Variants in AIG1 observed in about 807,000 individuals in gnomAD.
AIG1 encodes the protein androgen induced 1.
In AIG1, 23 loss-of-function variants were observed where a neutral mutation model predicts 31.4. The observed-to-expected ratio is 0.73, with a 90% CI of 0.53 to 1.04. The LOEUF is 1.04. Ranked by LOEUF, AIG1 falls within the 50% of genes least tolerant of loss-of-function variation. The pLI is 0.00. For synonymous variants in AIG1, 100 were observed against 110.5 expected (o/e 0.90, Z 0.60); for missense variants, 274 against 295.0 (o/e 0.93, Z 0.52).
intron 2 of AIG1, among the ~76,000 whole-genome samples, chr6:143,138,473 A>T (rs1290239206): frequency 6.6e-6 from 1 of 152,172 alleles, no homozygotes; most frequent in Non-Finnish European, 1.5e-5. Context: ...TATCTAATAT[A>T]TGCATGTATA....
chr6:143,193,295 G>A (rs774496211), intron 3 of AIG1, among the ~76,000 whole-genome samples: 10 of 152,256 alleles, frequency 6.6e-5, no homozygotes, highest in Admixed American at 2.6e-4. Context: ...CCTTTAAGCC[G>A]TAGCCAGCCT....
chr6:143,247,557 C>A (rs747909402), intron 3 of AIG1, among the ~76,000 whole-genome samples: 1 of 152,220 alleles, frequency 6.6e-6, no homozygotes, highest in African/African-American at 2.4e-5. Context: ...AACAAAGACA[C>A]TTCTACCAGC....
intron 3 of AIG1, among the ~76,000 whole-genome samples, chr6:143,174,486 CAAAAA>C (rs71024844): frequency 1.7e-5 from 1 of 59,656 alleles, no homozygotes; most frequent in Non-Finnish European, 3.7e-5. Context: ...GACTCCGTCT[CAAAAA>C]AAAAAAAAAA....
chr6:143,172,307 G>T (rs1238445788), intron 3 of AIG1, among the ~76,000 whole-genome samples: 1 of 152,008 alleles, frequency 6.6e-6, no homozygotes, highest in African/African-American at 2.4e-5. Context: ...CTCTAGAATG[G>T]CTCCAATGAG....
intron 1 of AIG1, among the ~76,000 whole-genome samples, chr6:143,132,328 G>T (rs1783315020): frequency 6.6e-6 from 1 of 151,876 alleles, no homozygotes; most frequent in Non-Finnish European, 1.5e-5. Flanking sequence ...AATTCTCTCA[G>T]TTTCTGTTTA....
Position 143,303,018 on chromosome 6 carries a change from G to A in AIG1, c.515+18793G>A, listed in dbSNP as rs372883019. Among the ~76,000 whole-genome samples the A allele has an allele frequency of 4.6e-5, 7 of 152,278 alleles. No homozygotes were observed. In the South Asian group the frequency reaches 1.5e-3, roughly 32 times the overall value. Reference sequence around the variant, plus strand: ...TCATGTGTTTTTTGGCTGCATAAATGTCTTCTTTTGAGAAGTGTCTGTTCA... The same window carrying A: ...TCATGTGTTTTTTGGCTGCATAAATATCTTCTTTTGAGAAGTGTCTGTTCA... On this transcript the variant is annotated intron_variant, in intron 4 of 5. Coordinates refer to ENST00000357847, the MANE Select transcript of AIG1 (RefSeq NM_016108.4).
intron 1 of AIG1, among the ~76,000 whole-genome samples, chr6:143,084,525 A>C (rs561368083): frequency 6.6e-6 from 1 of 152,286 alleles, no homozygotes; most frequent in South Asian, 2.1e-4. Flanking sequence ...GATCTCTATT[A>C]TAAAAAACCG....
rs944366089 is a variant in AIG1, at chr6:143,279,445, A to C, written c.400-4665A>C. Among the ~76,000 whole-genome samples, 7 of 152,206 alleles carry C rather than the reference A, an allele frequency of 4.6e-5. No individual in the cohort carries two copies. Among genetic ancestry groups the C allele is most frequent in the African/African-American group, 1.7e-4 (7 of 41,450 alleles). On this transcript the variant is annotated intron_variant, in intron 3 of 5. Coordinates refer to ENST00000357847, the MANE Select transcript of AIG1 (RefSeq NM_016108.4). This position sits in a 1 kb window ranked among gnomAD's most constrained non-coding sequence, Gnocchi z 5.4. ...AGCCTCCTAATCTTTCCACTTCATT[A>C]CACTGCTGTCTTCCTTTGAGCCTCT... is the stretch of plus-strand genomic sequence containing the variant.
At position 143,162,983 on chromosome 6, in the gene AIG1, A is replaced by G. The variant is rs138691213; in HGVS notation, c.298-2099A>G. ...AGGAGGCTCAAGGTGGCTGAAGTAG[A>G]GCCTCCCCAAGCAGAACATCTCAAA... On this transcript the variant is annotated intron_variant, in intron 2 of 5. Transcript: ENST00000357847. 2.0e-5 allele frequency among the ~76,000 whole-genome samples: 3 copies of G among 152,290 alleles called. No individual in the cohort carries two copies. The East Asian group carries it at 5.8e-4, about 30-fold the overall frequency.
Position 143,208,787 on chromosome 6 carries a change from T to C in AIG1, c.399+43604T>C, listed in dbSNP as rs574353853. Among the ~76,000 whole-genome samples, 9 of 152,254 alleles carry C rather than the reference T, an allele frequency of 5.9e-5. No individual in the cohort carries two copies. In the South Asian group the frequency reaches 1.5e-3, roughly 25 times the overall value. On this transcript the variant is annotated intron_variant, in intron 3 of 5. Transcript: ENST00000357847. ...TCCCCCCAGCTATTCTAAAATTCAC[T>C]TTCCTTATCTGGAAAATGATCTCCT...
At chr6:143,315,943 C>A (rs756762757) in intron 4 of AIG1, among the ~76,000 whole-genome samples, 25 of 151,942 alleles carry the variant, frequency 1.6e-4, no homozygotes, top group Non-Finnish European at 3.2e-4. Context: ...TGTAAGAGGA[C>A]TGAAGCCATA....
chr6:143,232,192 G>A (rs1394028006), intron 3 of AIG1, among the ~76,000 whole-genome samples: 2 of 152,174 alleles, frequency 1.3e-5, no homozygotes, highest in Non-Finnish European at 2.9e-5. Flanking sequence ...GTGTTTAATG[G>A]AATTTTCATA....
chr6:143,133,755 T>C (rs1376435957), intron 1 of AIG1, among the ~76,000 whole-genome samples: 1 of 152,134 alleles, frequency 6.6e-6, no homozygotes, highest in East Asian at 1.9e-4. Context: ...TGAACAGTTG[T>C]AGTGAATTAA....
chr6:143,074,730 G>A lies in AIG1; in HGVS notation c.141+13664G>A, dbSNP rs185632507. On this transcript the variant is annotated intron_variant, in intron 1 of 5. Coordinates refer to ENST00000357847, the MANE Select transcript of AIG1 (RefSeq NM_016108.4). The stretch of plus-strand genomic sequence containing the variant: ...GGGGTGAATGCTACTTGGTTATGAG[G>A]TATTGCTCATTTTAGATATAGCTGG... Among the ~76,000 whole-genome samples, 7 of 152,234 alleles carry A rather than the reference G, an allele frequency of 4.6e-5. No homozygotes were observed. In the East Asian group the frequency reaches 1.3e-3, roughly 29 times the overall value.
intron 1 of AIG1, among the ~76,000 whole-genome samples, chr6:143,122,044 T>G (rs1413550502): frequency 9.9e-5 from 15 of 152,240 alleles, no homozygotes; most frequent in Admixed American, 9.8e-4. Flanking sequence ...ATGTATTTTC[T>G]TTGTTCTGAG....
At chr6:143,148,645 C>T (rs942320438) in intron 2 of AIG1, among the ~76,000 whole-genome samples, 1 of 152,040 alleles carries the variant, frequency 6.6e-6, no homozygotes, top group Non-Finnish European at 1.5e-5. Context: ...GGGGAACAAC[C>T]AAACCCTGTT....
chr6:143,098,875 C>A (rs773712145), intron 1 of AIG1, among the ~76,000 whole-genome samples: 2 of 152,068 alleles, frequency 1.3e-5, no homozygotes, highest in Non-Finnish European at 2.9e-5. Context: ...AAAATGTAAA[C>A]CGTTTGGTAG....
At chr6:143,189,792 C>G in intron 3 of AIG1, 1 of 983,434 alleles carries the variant, frequency 1.0e-6, no homozygotes, top group Non-Finnish European at 1.2e-6. Context: ...TCCTGAAACA[C>G]TTCTCAACTT....
At chr6:143,341,761 A>G (rs1349014203), downstream of AIG1, among the ~76,000 whole-genome samples, 1 of 152,238 alleles carries the variant, frequency 6.6e-6, no homozygotes, top group African/African-American at 2.4e-5. Flanking sequence ...TGTCAGTAAC[A>G]GCAAATTAAT....
Sources: gnomAD v4.1 joint callset for allele counts (sites outside exome capture counted in the v4.1 genomes callset) on GRCh38, gnomAD v4.1.1 for gene constraint, Gnocchi (gnomAD v3.1) non-coding constraint, MANE v1.5 for transcripts, NCBI Gene and HGNC (gene_info 2026-07-23, HGNC 2026-07-21) for gene names.